Variants in ADAT2 observed in about 807,000 individuals in gnomAD.
The protein encoded by ADAT2 is adenosine deaminase tRNA specific 2.
A neutral mutation model predicts 25.9 loss-of-function variants in ADAT2; 26 were observed. The observed-to-expected ratio is 1.00, with a 90% confidence interval of 0.74 to 1.39. The LOEUF is 1.39. Among genes scored for constraint, ADAT2 ranks in the 40% most tolerant of loss-of-function variants. The probability of loss-of-function intolerance (pLI) is 0.00; values close to 1 mark genes in which losing one functional copy is unlikely to be tolerated. For synonymous variants in ADAT2, 76 were observed against 86.8 expected (o/e 0.88, Z 0.69); for missense variants, 220 against 244.8 (o/e 0.90, Z 0.68).
At position 143,434,811 on chromosome 6, in the gene ADAT2, T is replaced by C. The variant is rs975361445; in HGVS notation, c.202-830A>G. On this transcript the variant is annotated intron_variant, in intron 2 of 5. Coordinates refer to ENST00000237283, the MANE Select transcript of ADAT2 (RefSeq NM_182503.3). This position sits in a 1 kb window ranked among gnomAD's most constrained non-coding sequence, Gnocchi z 4.5. ...AGCTTAAAGTGAATCATAGATTCTA[T>C]ATGGAATAATTATTTATAATATTCA... Among the ~76,000 whole-genome samples, 1 of 152,236 alleles carries C rather than the reference T, an allele frequency of 6.6e-6. No individual in the cohort carries two copies. The highest frequency in any genetic ancestry group is 1.9e-4 in the East Asian group (1 of 5,204).
At position 143,433,912 on chromosome 6, in the gene ADAT2, G is replaced by C; in HGVS notation, c.271C>G (p.Pro91Ala). The change falls in exon 3 of 6, where the codon CCC becomes GCC. Residue 91 changes from proline (P) to alanine (A), a missense_variant. Coordinates refer to ENST00000237283, the MANE Select transcript of ADAT2 (RefSeq NM_182503.3). Reference protein sequence around the residue: ...LDWCRQSGKSPSEVFEHTVLY... With the variant: ...LDWCRQSGKSASEVFEHTVLY... ...ACAGTGTGTTCAAATACTTCAGAGG[G>C]ACTCTTGCCACTTTGACGACACCAA... 6.2e-7 allele frequency: 1 copy of C among 1,614,132 alleles called. No homozygotes were observed.
intron 1 of ADAT2, chr6:143,441,869 A>C (rs1332860256): frequency 6.6e-6 from 1 of 152,260 alleles, no homozygotes; most frequent in Non-Finnish European, 1.5e-5. Flanking sequence ...CACACCCATC[A>C]GCATGACTAA....
At position 143,428,418 on chromosome 6, in the gene ADAT2, T is replaced by C; in HGVS notation, c.*45A>G. On this transcript the variant is annotated 3_prime_UTR_variant, in exon 6 of 6. Coordinates refer to ENST00000237283, the MANE Select transcript of ADAT2 (RefSeq NM_182503.3). The surrounding 1 kb of genome is among the most constrained non-coding windows in gnomAD (Gnocchi z 5.0). ...TCAACAGCTTTCAGTCTATGAATCT[T>C]GTCCAGGTCACTTTGGGTCACTTGG... 6.3e-7 allele frequency: 1 copy of C among 1,592,550 alleles called. No individual in the cohort carries two copies. Among genetic ancestry groups the C allele is most frequent in the South Asian group, 1.1e-5 (1 of 89,542 alleles).
rs1407638680 is a variant in ADAT2, at chr6:143,427,692, T to G, written c.*771A>C. On this transcript the variant is annotated 3_prime_UTR_variant, in exon 6 of 6. Transcript: ENST00000237283. ...ACTCTTATTGTCCTCCAATAAACTGTGTAATCTATCATATCCATCTCCCCT... is the reference window on the plus strand; with the variant it reads ...ACTCTTATTGTCCTCCAATAAACTGGGTAATCTATCATATCCATCTCCCCT... The G allele has an allele frequency of 2.6e-5, 4 of 152,186 alleles. No individual in the cohort carries two copies. Among genetic ancestry groups the G allele is most frequent in the African/African-American group, 9.7e-5 (4 of 41,438 alleles). 9.4% of individuals were successfully genotyped at this position (152,186 alleles called of 1,614,324 possible).
rs1336599995 is a variant in ADAT2, at chr6:143,428,564, C to T, written c.532+48G>A. 5 of 1,612,512 alleles carry T rather than the reference C, an allele frequency of 3.1e-6. No homozygotes were observed. Among genetic ancestry groups the T allele is most frequent in the South Asian group, 1.1e-5 (1 of 91,010 alleles). On this transcript the variant is annotated intron_variant, in intron 5 of 5. Coordinates refer to ENST00000237283, the MANE Select transcript of ADAT2 (RefSeq NM_182503.3). The surrounding 1 kb of genome is among the most constrained non-coding windows in gnomAD (Gnocchi z 5.0). ...AAGAGGTAAGCTCATAGCAGATTCT[C>T]TTTGTATGGATTTAAGGGAAGGACA...
intron 1 of ADAT2, among the ~76,000 whole-genome samples, chr6:143,441,150 A>G (rs1779445330): frequency 6.6e-6 from 1 of 152,196 alleles, no homozygotes; most frequent in African/African-American, 2.4e-5. Flanking sequence ...ACTATAAGAG[A>G]ATAAACTTGT....
At chr6:143,449,637 T>C (rs1227033934) in intron 1 of ADAT2, among the ~76,000 whole-genome samples, 3 of 152,198 alleles carry the variant, frequency 2.0e-5, no homozygotes, top group Non-Finnish European at 4.4e-5. Flanking sequence ...ACCACCGCTG[T>C]ATATGTGGTC....
chr6:143,438,697 G>A lies in ADAT2; in HGVS notation c.97-3C>T, dbSNP rs1554279015. 9.9e-6 allele frequency: 16 copies of A among 1,611,022 alleles called. No homozygotes were observed. In the South Asian group the frequency reaches 1.6e-4, roughly 17 times the overall value. On this transcript the variant is annotated splice_polypyrimidine_tract_variant and splice_region_variant and intron_variant, in intron 1 of 5. Coordinates refer to ENST00000237283, the MANE Select transcript of ADAT2 (RefSeq NM_182503.3). ...GTATTTTCGAGGGCTTCTTTGGCCT[G>A]AAACACAAAGTGGAAAATGTAAGAC...
chr6:143,448,855 T>C (rs935294062), intron 1 of ADAT2, among the ~76,000 whole-genome samples: 1 of 151,934 alleles, frequency 6.6e-6, no homozygotes, highest in Non-Finnish European at 1.5e-5. Context: ...CAAAAAAAAA[T>C]CTTCTAAAAA....
At position 143,426,629 on chromosome 6, in the gene ADAT2, TTTATTA is replaced by T. The variant is rs955613612; in HGVS notation, c.*1828_*1833del. The T allele has an allele frequency of 2.0e-5, 3 of 152,238 alleles. No homozygotes were observed. Among genetic ancestry groups the T allele is most frequent in the African/African-American group, 7.2e-5 (3 of 41,458 alleles). The allele number at this position is 152,238 out of a possible 1,614,324, so 9.4% of individuals were successfully genotyped here. On this transcript the variant is annotated 3_prime_UTR_variant, in exon 6 of 6. Coordinates refer to ENST00000237283, the MANE Select transcript of ADAT2 (RefSeq NM_182503.3). The surrounding 1 kb of genome is among the most constrained non-coding windows in gnomAD (Gnocchi z 4.1). ...TTTTCTATCCTTCCCTGTCTATCAC[TTTATTA>T]TTTCCTTCATTCTTTTAGTAGCGAC... is the stretch of plus-strand genomic sequence containing the variant.
chr6:143,430,802 T>G (rs1779089725), intron 4 of ADAT2, among the ~76,000 whole-genome samples: 1 of 152,094 alleles, frequency 6.6e-6, no homozygotes. Context: ...CCTGACCTCA[T>G]GATCTGCCCG....
chr6:143,433,775 C>T (rs1325719730), intron 3 of ADAT2, 56 bp downstream of exon 3: 24 of 1,503,688 alleles, frequency 1.6e-5, no homozygotes, highest in South Asian at 1.4e-5. Context: ...CGTGTTTGGC[C>T]ACTCTCTTGT....
At chr6:143,447,718 G>A (rs1354785580) in intron 1 of ADAT2, among the ~76,000 whole-genome samples, 1 of 151,182 alleles carries the variant, frequency 6.6e-6, no homozygotes, top group Non-Finnish European at 1.5e-5. Context: ...CAAAGGATAA[G>A]CTCACTTTTA....
intron 1 of ADAT2, 124 bp from the exon 2 acceptor site, chr6:143,438,818 T>G: frequency 1.3e-6 from 1 of 758,392 alleles, no homozygotes; most frequent in East Asian, 2.7e-5. Context: ...AGTGCAGCCT[T>G]CCCTTTTCTG....
chr6:143,436,287 C>A lies in ADAT2; in HGVS notation c.201+2303G>T. ...AGAACATGATGGCTGCCTATGACCC[C>A]CAGTATGGCCTCTATCTAACAGAGG... On this transcript the variant is annotated intron_variant, in intron 2 of 5. Coordinates refer to ENST00000237283, the MANE Select transcript of ADAT2 (RefSeq NM_182503.3). This position sits in a 1 kb window ranked among gnomAD's most constrained non-coding sequence, Gnocchi z 4.1. 4.5e-6 allele frequency: 1 copy of A among 222,728 alleles called. No homozygotes were observed. Among genetic ancestry groups the A allele is most frequent in the Non-Finnish European group, 9.5e-6 (1 of 105,430 alleles). The allele number at this position is 222,728 out of a possible 1,614,324, so 13.8% of individuals were successfully genotyped here. A position where few individuals can be genotyped will look rare whatever the true frequency, so the allele number is the denominator to read the frequency against.
chr6:143,432,746 G>A lies in ADAT2; in HGVS notation c.353-135C>T, dbSNP rs1040043079. 6.2e-6 allele frequency: 5 copies of A among 800,210 alleles called. No homozygotes were observed. Among genetic ancestry groups the A allele is most frequent in the Admixed American group, 2.2e-5 (1 of 46,268 alleles). The allele number at this position is 800,210 out of a possible 1,614,324, so 49.6% of individuals were successfully genotyped here. The stretch of plus-strand genomic sequence containing the variant: ...TTCAAACCAGTGAAGCTTAGGATTC[G>A]TCTTATAAACCATACAATCCAGCTA... On this transcript the variant is annotated intron_variant, in intron 3 of 5. Transcript: ENST00000237283. The surrounding 1 kb of genome is among the most constrained non-coding windows in gnomAD (Gnocchi z 4.4).
In ADAT2 at chr6:143,424,668, A is replaced by G. The variant is rs1263835793; in HGVS notation, c.*3795T>C. On this transcript the variant is annotated 3_prime_UTR_variant, in exon 6 of 6. Transcript: ENST00000237283. This position sits in a 1 kb window ranked among gnomAD's most constrained non-coding sequence, Gnocchi z 4.8. The stretch of plus-strand genomic sequence containing the variant: ...TTTGCTGAGGAGGAAATTAGGAAGG[A>G]AAGAATTTATTTCTCAGGCTTAATT... 1 of 152,212 alleles carries G rather than the reference A, an allele frequency of 6.6e-6. No homozygotes were observed. The allele number at this position is 152,212 out of a possible 1,614,324, so 9.4% of individuals were successfully genotyped here. A position where few individuals can be genotyped will look rare whatever the true frequency, so the allele number is the denominator to read the frequency against.
At chr6:143,449,680 G>A (rs929755608) in intron 1 of ADAT2, 3 of 152,334 alleles carry the variant, frequency 2.0e-5, no homozygotes, top group African/African-American at 7.2e-5. Flanking sequence ...AAAAGTGCTA[G>A]CGAGCTTCTT....
intron 1 of ADAT2, among the ~76,000 whole-genome samples, chr6:143,445,440 A>G (rs1473093674): frequency 6.6e-6 from 1 of 152,140 alleles, no homozygotes; most frequent in Admixed American, 6.5e-5. Context: ...AGATAGATAG[A>G]TCTCCTTCTA....
Sources: gnomAD v4.1 joint callset for allele counts (sites outside exome capture counted in the v4.1 genomes callset) on GRCh38, gnomAD v4.1.1 for gene constraint, Gnocchi (gnomAD v3.1) non-coding constraint, MANE v1.5 for transcripts, NCBI Gene and HGNC (gene_info 2026-07-23, HGNC 2026-07-21) for gene names.